The following AK8 variants were observed in gnomAD, a reference collection of about 807,000 sequenced individuals.
The protein encoded by AK8 is ATP-AMP transphosphorylase 8.
A neutral mutation model predicts 54.6 loss-of-function variants in AK8; 44 were observed. The observed-to-expected ratio is 0.81, with a 90% confidence interval of 0.63 to 1.04. The LOEUF (loss-of-function observed/expected upper bound fraction) is 1.04, where lower values mean the gene tolerates loss of function less well. Ranked by LOEUF, AK8 falls within the 50% of genes least tolerant of loss-of-function variation. The probability of loss-of-function intolerance (pLI) is 0.00; values close to 1 mark genes in which losing one functional copy is unlikely to be tolerated. For synonymous variants in AK8, 239 were observed against 245.6 expected (o/e 0.97, Z 0.25); for missense variants, 555 against 613.6 (o/e 0.90, Z 1.01).
intron 11 of AK8, among the ~76,000 whole-genome samples, chr9:132,742,727 A>G (rs1837452502): frequency 6.6e-6 from 1 of 152,158 alleles, no homozygotes; most frequent in African/African-American, 2.4e-5. Context: ...GCTTCCCGAG[A>G]TTGCATCCTG....
rs577792225 is a variant in AK8, at chr9:132,809,329, G to C, written c.979+5309C>G. On this transcript the variant is annotated intron_variant, in intron 10 of 12. Transcript: ENST00000298545. ...CATGTCCTCCAGTTTCAGGAGGCAG[G>C]GCAGGTCCTTCTGGTTGCAGGGCAG... Among the ~76,000 whole-genome samples the C allele has an allele frequency of 3.4e-4, 52 of 152,286 alleles. 1 individual carries two copies. The East Asian group carries it at 8.1e-3, about 24-fold the overall frequency.
intron 10 of AK8, among the ~76,000 whole-genome samples, chr9:132,800,022 T>A (rs183944504): frequency 6.6e-6 from 1 of 152,326 alleles, no homozygotes; most frequent in East Asian, 1.9e-4. Context: ...TTTTGTTTTT[T>A]AATTTCCATT....
At chr9:132,765,477 T>G (rs1254496432) in intron 11 of AK8, among the ~76,000 whole-genome samples, 1 of 151,462 alleles carries the variant, frequency 6.6e-6, no homozygotes, top group African/African-American at 2.4e-5. Flanking sequence ...CAACATCCCT[T>G]CTTGATAAAA....
chr9:132,727,606 T>C, intron 11 of AK8, 72 bp from the exon 12 acceptor site: 2 of 1,430,714 alleles, frequency 1.4e-6, no homozygotes. Flanking sequence ...CATCCTGGGG[T>C]CTTGAGAATC....
intron 11 of AK8, among the ~76,000 whole-genome samples, chr9:132,748,978 G>T (rs908853926): frequency 2.0e-5 from 3 of 151,902 alleles, no homozygotes; most frequent in South Asian, 4.2e-4. Flanking sequence ...GGGTTCAAGC[G>T]ATTCTCTTGC....
At chr9:132,755,519 G>A (rs993580596) in intron 11 of AK8, among the ~76,000 whole-genome samples, 4 of 152,176 alleles carry the variant, frequency 2.6e-5, no homozygotes, top group Non-Finnish European at 5.9e-5. Flanking sequence ...GCAGGACTGC[G>A]CCTCACTCCC....
chr9:132,827,821 C>T, intron 7 of AK8, 192 bp downstream of exon 7: 3 of 584,532 alleles, frequency 5.1e-6, no homozygotes, highest in Non-Finnish European at 9.0e-6. Flanking sequence ...CTAAACAGGC[C>T]TCCATTTCCT....
chr9:132,761,259 CTTTTCTTTTCTTT>C (rs1838451983), intron 11 of AK8, among the ~76,000 whole-genome samples: 1 of 133,368 alleles, frequency 7.5e-6, no homozygotes, highest in African/African-American at 3.4e-5. Flanking sequence ...TTTTTCTTTT[CTTTTCTTTTCTTT>C]TTTTTTTTTT....
At chr9:132,865,444 C>T (rs923885179) in intron 3 of AK8, among the ~76,000 whole-genome samples, 4 of 152,216 alleles carry the variant, frequency 2.6e-5, no homozygotes, top group Non-Finnish European at 5.9e-5. Flanking sequence ...GAAGGGTTCG[C>T]TGATGTTCAC....
intron 5 of AK8, among the ~76,000 whole-genome samples, chr9:132,839,057 C>CCT (rs1842434209): frequency 6.6e-6 from 1 of 152,064 alleles, no homozygotes; most frequent in Non-Finnish European, 1.5e-5. Context: ...GATTCTCCTG[C>CCT]CTCAGCCTCC....
At chr9:132,737,096 A>G (rs1209394242) in intron 11 of AK8, among the ~76,000 whole-genome samples, 2 of 152,140 alleles carry the variant, frequency 1.3e-5, no homozygotes, top group African/African-American at 4.8e-5. Flanking sequence ...TAATGCTACT[A>G]AACTTACACT....
Position 132,832,898 on chromosome 9 carries a change from G to A in AK8, c.403-4172C>T, listed in dbSNP as rs543836052. On this transcript the variant is annotated intron_variant, in intron 5 of 12. Coordinates refer to ENST00000298545, the MANE Select transcript of AK8 (RefSeq NM_152572.3). ...AAAAGGAAGAAGGTGGGGGGCTCTGGAGTGAGCCCTAGGCCACCAGCTCTC... is the reference window on the plus strand; with the variant it reads ...AAAAGGAAGAAGGTGGGGGGCTCTGAAGTGAGCCCTAGGCCACCAGCTCTC... 6.3e-4 allele frequency among the ~76,000 whole-genome samples: 96 copies of A among 152,318 alleles called. 1 individual carries two copies. Among genetic ancestry groups the A allele is most frequent in the African/African-American group, 2.3e-3 (95 of 41,558 alleles).
At chr9:132,758,190 TAC>T (rs1838284173) in intron 11 of AK8, among the ~76,000 whole-genome samples, 1 of 152,240 alleles carries the variant, frequency 6.6e-6, no homozygotes, top group African/African-American at 2.4e-5. Context: ...GAAGTGCAAC[TAC>T]AGTTCCCTTC....
chr9:132,758,015 G>T (rs1411145534), intron 11 of AK8, among the ~76,000 whole-genome samples: 1 of 152,232 alleles, frequency 6.6e-6, no homozygotes, highest in African/African-American at 2.4e-5. Context: ...CTGTCCTGAT[G>T]TCCTCATGGT....
At chr9:132,764,909 A>G (rs1247645735) in intron 11 of AK8, among the ~76,000 whole-genome samples, 3 of 152,212 alleles carry the variant, frequency 2.0e-5, no homozygotes, top group Non-Finnish European at 4.4e-5. Context: ...ACAGCAAAAA[A>G]AGAAAACTAT....
At chr9:132,732,138 G>T (rs538454091) in intron 11 of AK8, among the ~76,000 whole-genome samples, 1 of 110,982 alleles carries the variant, frequency 9.0e-6, no homozygotes, top group African/African-American at 3.6e-5. Context: ...GTGCTCTGTG[G>T]TGTTTTTAAT....
At chr9:132,757,567 A>C (rs1437299583) in intron 11 of AK8, among the ~76,000 whole-genome samples, 2 of 152,188 alleles carry the variant, frequency 1.3e-5, no homozygotes, top group Non-Finnish European at 2.9e-5. Flanking sequence ...GCACTACCTG[A>C]CTGACCCTCA....
chr9:132,854,799 C>T (rs1012602106), intron 5 of AK8, 58 bp downstream of exon 5: 68 of 1,577,386 alleles, frequency 4.3e-5, no homozygotes, highest in Non-Finnish European at 5.8e-5. Flanking sequence ...GATGAACACA[C>T]GCCCTTCACC....
chr9:132,794,482 G>C (rs1331435574), intron 10 of AK8, among the ~76,000 whole-genome samples: 2 of 152,128 alleles, frequency 1.3e-5, no homozygotes, highest in South Asian at 2.1e-4. Context: ...TCCCTCCCCA[G>C]GGAAGTCTCT....
Sources: allele counts gnomAD v4.1 joint callset (sites outside exome capture counted in the v4.1 genomes callset), GRCh38; gene constraint gnomAD v4.1.1; transcripts MANE v1.5; gene names NCBI Gene and HGNC (gene_info 2026-07-23, HGNC 2026-07-21).